SH3D21: variants seen among roughly 807,000 people sequenced by gnomAD.
The protein encoded by SH3D21 is SH3 domain-containing protein 21.
Under a neutral mutation model 82.1 loss-of-function variants are expected in SH3D21, and 83 were observed. That is an observed-to-expected ratio of 1.01 (90% CI 0.85 to 1.21). The LOEUF (loss-of-function observed/expected upper bound fraction) is 1.21, where lower values mean the gene tolerates loss of function less well. Among genes scored for constraint, SH3D21 ranks in the 50% most tolerant of loss-of-function variants. SH3D21 has a pLI of 0.00. For missense variants in SH3D21, 980 were observed against 962.1 expected, an observed-to-expected ratio of 1.02 and a Z score of -0.25; for synonymous variants, 383 against 387.8, an observed-to-expected ratio of 0.99 and a Z score of 0.15.
downstream of SH3D21, chr1:36,322,081 C>T: frequency 7.4e-7 from 1 of 1,354,618 alleles, no homozygotes; most frequent in Non-Finnish European, 9.5e-7. Context: ...CTTCATCGAC[C>T]CCAGAGAGGG....
At chr1:36,310,639 C>T (rs1217341593) in intron 10 of SH3D21, among the ~76,000 whole-genome samples, 2 of 151,710 alleles carry the variant, frequency 1.3e-5, no homozygotes, top group Middle Eastern at 3.4e-3. Flanking sequence ...TTAACACCCA[C>T]GAACACCCAT....
Position 36,320,316 on chromosome 1 carries a change from A to G in SH3D21, c.1653A>G (p.Lys551=). The G allele has an allele frequency of 6.2e-7, 1 of 1,612,972 alleles. No homozygotes were observed. Among genetic ancestry groups the G allele is most frequent in the Non-Finnish European group, 8.5e-7 (1 of 1,179,916 alleles). ...CAGAGAGGTGCCTGGGAGAGATGAA[A>G]TGTACCCTAGTTAGAGGGGACAGCT... ...PSSERCLGEM[K]CTLVRGDSSP... Residue 551 remains lysine, a synonymous_variant, in exon 14 of 16, where the codon AAA becomes AAG. Coordinates refer to ENST00000453908, the MANE Select transcript of SH3D21 (RefSeq NM_001162530.2).
downstream of SH3D21, among the ~76,000 whole-genome samples, chr1:36,326,613 G>T (rs1570419405): frequency 6.6e-6 from 1 of 152,232 alleles, no homozygotes; most frequent in Admixed American, 6.5e-5. Context: ...GACACATTTT[G>T]GAAAGATCCC....
Position 36,319,179 on chromosome 1 carries a change from G to A in SH3D21, c.863+15G>A. ...AGCAAAGCCAAGTAAGGAGCAGGAT[G>A]GGGTTGGGGGAAGGAGGAGGGTAGG... is the stretch of plus-strand genomic sequence containing the variant. On this transcript the variant is annotated intron_variant, in intron 11 of 15. Coordinates refer to ENST00000453908, the MANE Select transcript of SH3D21 (RefSeq NM_001162530.2). 1 of 1,550,640 alleles carries A rather than the reference G, an allele frequency of 6.4e-7. No individual in the cohort carries two copies. The highest frequency in any genetic ancestry group is 8.7e-7 in the Non-Finnish European group (1 of 1,145,990).
Position 36,320,169 on chromosome 1 carries a change from A to G in SH3D21, c.1506A>G (p.Gln502=), listed in dbSNP as rs1380494058. Residue 502 remains glutamine, a synonymous_variant, in exon 14 of 16, where the codon CAA becomes CAG. Coordinates refer to ENST00000453908, the MANE Select transcript of SH3D21 (RefSeq NM_001162530.2). ...EEEVSTRDDI[Q]FHHFSSEEAL... ...AGGTGTCCACCAGAGATGACATTCAATTCCATCACTTCTCTTCGGAGGAAG... is the reference window on the plus strand; with the variant it reads ...AGGTGTCCACCAGAGATGACATTCAGTTCCATCACTTCTCTTCGGAGGAAG... 1.2e-6 allele frequency: 2 copies of G among 1,613,594 alleles called. No homozygotes were observed. Among genetic ancestry groups the G allele is most frequent in the Admixed American group, 1.7e-5 (1 of 60,008 alleles).
rs557884252 is a variant in SH3D21 at position 36,319,797 on chromosome 1, G to T, written c.1134G>T (p.Pro378=). The T allele has an allele frequency of 6.2e-7, 1 of 1,613,468 alleles. No homozygotes were observed. The highest frequency in any genetic ancestry group is 1.1e-5 in the South Asian group (1 of 91,030). The change falls in exon 14 of 16, where the codon CCG becomes CCT. Residue 378 remains proline (P), a synonymous_variant. Coordinates refer to ENST00000453908, the MANE Select transcript of SH3D21 (RefSeq NM_001162530.2). ...PENAPSSKKI[P]APDKVPSPEK... is the part of the protein sequence containing the mutation. ...ACGCCCCCAGCTCCAAGAAGATCCC[G>T]GCTCCTGACAAAGTCCCCTCCCCAG... is the stretch of plus-strand genomic sequence containing the variant.
chr1:36,307,779 A>G lies in SH3D21; in HGVS notation c.446A>G (p.Asn149Ser). Residue 149 changes from asparagine to serine, a missense_variant, in exon 6 of 16, where the codon AAC becomes AGC. Coordinates refer to ENST00000453908, the MANE Select transcript of SH3D21 (RefSeq NM_001162530.2). This position sits in a 1 kb window ranked among gnomAD's most constrained non-coding sequence, Gnocchi z 5.4. ...CACTGTCCCCCACTAGGCCTTGGTA[A>G]CCCAGACATGCCTTCAGTCAGCCCT... Reference protein sequence around the residue: ...LLDSGPPSLGNPDMPSVSPGP... With the variant: ...LLDSGPPSLGSPDMPSVSPGP... 1 of 1,551,714 alleles carries G rather than the reference A, an allele frequency of 6.4e-7. No individual in the cohort carries two copies.
Position 36,320,259 on chromosome 1 carries a change from G to A in SH3D21, c.1596G>A (p.Thr532=), listed in dbSNP as rs369801995. The A allele has an allele frequency of 1.1e-5, 17 of 1,612,726 alleles. No individual in the cohort carries two copies. In the East Asian group the frequency reaches 1.8e-4, roughly 17 times the overall value. ...CATCATCCCAGGAGGAGGCCCACAC[G>A]CCAGAGGCACCCCCACCCCAGCCTC... is the stretch of plus-strand genomic sequence containing the variant. The part of the protein sequence containing the change: ...EDPSSQEEAH[T]PEAPPPQPPS... The change falls in exon 14 of 16, where the codon ACG becomes ACA. Residue 532 remains threonine (T), a synonymous_variant. Coordinates refer to ENST00000453908, the MANE Select transcript of SH3D21 (RefSeq NM_001162530.2).
Position 36,320,347 on chromosome 1 carries a change from C to G in SH3D21, c.1684C>G (p.Arg562Gly), listed in dbSNP as rs372370041. The G allele has an allele frequency of 1.2e-6, 2 of 1,613,396 alleles. No homozygotes were observed. The highest frequency in any genetic ancestry group is 1.7e-6 in the Non-Finnish European group (2 of 1,179,994). ...CTLVRGDSSP[R>G]QAELKSGPAS... ...CCTAGTTAGAGGGGACAGCTCCCCA[C>G]GCCAGGCTGAGTTGAAGTCTGGGCC... Residue 562 changes from arginine to glycine, a missense_variant, in exon 14 of 16, where the codon CGC (arginine) becomes GGC (glycine). Physicochemically the swap from Arg to Gly is moderately radical, Grantham distance 125. Transcript: ENST00000453908.
chr1:36,321,903 G>C (rs1467551025), downstream of SH3D21: 4 of 1,067,670 alleles, frequency 3.7e-6, no homozygotes, highest in Non-Finnish European at 4.5e-6. This position sits in a 1 kb window ranked among gnomAD's most constrained non-coding sequence, Gnocchi z 6.1. Flanking sequence ...GTGCTGTATC[G>C]TCGGGTTGGT....
Position 36,306,619 on chromosome 1 carries a change from A to T in SH3D21, c.26A>T (p.Tyr9Phe), listed in dbSNP as rs1005775045. 1 of 1,302,600 alleles carries T rather than the reference A, an allele frequency of 7.7e-7. No individual in the cohort carries two copies. Among genetic ancestry groups the T allele is most frequent in the Non-Finnish European group, 1.0e-6 (1 of 988,722 alleles). 80.7% of individuals were successfully genotyped at this position (1,302,600 alleles called of 1,614,324 possible). A position where few individuals can be genotyped will look rare whatever the true frequency, so the allele number is the denominator to read the frequency against. The change falls in exon 2 of 16, where the codon TAC becomes TTC. Residue 9 changes from tyrosine (Y) to phenylalanine (F), a missense_variant. Physicochemically the swap from Tyr to Phe is conservative, Grantham distance 22. Transcript: ENST00000453908. This position sits in a 1 kb window ranked among gnomAD's most constrained non-coding sequence, Gnocchi z 4.5. MEVLVLAGYRAQKEDELSL... is the reference protein window; with the variant it reads MEVLVLAGFRAQKEDELSL... ...GCAGAAGTCCTCGTCCTGGCCGGAT[A>T]CCGCGCGCAGAAGGAGGACGAGCTG...
intron 10 of SH3D21, among the ~76,000 whole-genome samples, chr1:36,314,810 C>T (rs994890419): frequency 1.7e-4 from 26 of 152,044 alleles, no homozygotes; most frequent in Non-Finnish European, 1.2e-4. Flanking sequence ...TCCCATTTAT[C>T]TATTTTTTTG....
intron 10 of SH3D21, among the ~76,000 whole-genome samples, chr1:36,314,458 C>T (rs564779980): frequency 3.7e-4 from 55 of 149,886 alleles, no homozygotes; most frequent in African/African-American, 1.3e-3. Flanking sequence ...AATATTTTCT[C>T]CCATTCTTTT....
At chr1:36,322,561 C>T (rs773010275), downstream of SH3D21, 1 of 1,592,306 alleles carries the variant, frequency 6.3e-7, no homozygotes, top group South Asian at 1.1e-5. Context: ...TCCTCGTCGT[C>T]GTCCTCGGGC....
chr1:36,329,366 G>A (rs1646572661), downstream of SH3D21: 1 of 152,196 alleles, frequency 6.6e-6, no homozygotes, highest in South Asian at 2.1e-4. Flanking sequence ...TCTTTACACA[G>A]TAGTTGCATT....
chr1:36,307,137 T>A lies in SH3D21; in HGVS notation c.227-30T>A, dbSNP rs975494905. 6.4e-7 allele frequency: 1 copy of A among 1,550,886 alleles called. No individual in the cohort carries two copies. Among genetic ancestry groups the A allele is most frequent in the South Asian group, 1.2e-5 (1 of 83,752 alleles). ...AGCTCCTCTGACTGGGGCGTCCGACTGGAGCTCAGCCGCGCTTGTCCGGTG... is the reference window on the plus strand; with the variant it reads ...AGCTCCTCTGACTGGGGCGTCCGACAGGAGCTCAGCCGCGCTTGTCCGGTG... On this transcript the variant is annotated intron_variant, in intron 3 of 15. Transcript: ENST00000453908. The surrounding 1 kb of genome is among the most constrained non-coding windows in gnomAD (Gnocchi z 5.4).
At chr1:36,319,348 G>A (rs1646401422) in intron 12 of SH3D21, 36 bp downstream of exon 12, 3 of 1,551,544 alleles carry the variant, frequency 1.9e-6, no homozygotes, top group Middle Eastern at 1.7e-4. Context: ...GGGAGGACTG[G>A]AGGACAGGGA....
rs753615406 is a variant in SH3D21, at chr1:36,307,600, G to C, written c.429G>C (p.Gly143=). The C allele has an allele frequency of 1.9e-6, 3 of 1,551,570 alleles. 1 individual carries two copies. In the South Asian group the frequency reaches 3.6e-5, roughly 18 times the overall value. ...PSNFVELLDS[G]PPSLGNPDMP... ...ACTTTGTGGAATTGCTGGACAGTGG[G>C]CCCCCAAGTGAGACCTCGACTCTGT... is the stretch of plus-strand genomic sequence containing the variant. The change falls in exon 5 of 16, where the codon GGG becomes GGC. Residue 143 remains glycine (G), a synonymous_variant. Coordinates refer to ENST00000453908, the MANE Select transcript of SH3D21 (RefSeq NM_001162530.2). The surrounding 1 kb of genome is among the most constrained non-coding windows in gnomAD (Gnocchi z 5.4).
rs1395211832 is a variant in SH3D21 at position 36,319,324 on chromosome 1, C to T, written c.916+12C>T. Reference sequence around the variant, plus strand: ...CTCCCGAGACTCAGGCAAGGGCTGCCTTCCTCCAGTGCGGGGAGGACTGGA... The same window carrying T: ...CTCCCGAGACTCAGGCAAGGGCTGCTTTCCTCCAGTGCGGGGAGGACTGGA... On this transcript the variant is annotated intron_variant, in intron 12 of 15. Transcript: ENST00000453908. 6.4e-6 allele frequency: 10 copies of T among 1,551,508 alleles called. No homozygotes were observed. Among genetic ancestry groups the T allele is most frequent in the African/African-American group, 4.1e-5 (3 of 73,004 alleles).
Sources: allele counts gnomAD v4.1 joint callset (sites outside exome capture counted in the v4.1 genomes callset), GRCh38; gene constraint gnomAD v4.1.1; non-coding constraint Gnocchi (gnomAD v3.1); transcripts MANE v1.5; gene names NCBI Gene and HGNC (gene_info 2026-07-23, HGNC 2026-07-21).